LMTK2: variants seen among roughly 807,000 people sequenced by gnomAD.
The protein encoded by LMTK2 is lemur tail kinase 2, also known as serine/threonine-protein kinase LMTK2.
A neutral mutation model predicts 127.5 loss-of-function variants in LMTK2; 37 were observed. That is an observed-to-expected ratio of 0.29 (90% CI 0.22 to 0.38). The LOEUF is 0.38. Among genes scored for constraint, LMTK2 ranks in the 10% least tolerant of loss-of-function variants. The probability of loss-of-function intolerance (pLI) is 1.00; values close to 1 mark genes in which losing one functional copy is unlikely to be tolerated. For synonymous variants in LMTK2, 819 were observed against 810.1 expected (o/e 1.01, Z -0.19); for missense variants, 1,694 against 1,920.3 (o/e 0.88, Z 2.20).
At chr7:98,145,692 C>T (rs1448426480) in intron 3 of LMTK2, among the ~76,000 whole-genome samples, 1 of 152,106 alleles carries the variant, frequency 6.6e-6, no homozygotes, top group East Asian at 1.9e-4. Context: ...TTTCCCAATA[C>T]CATTCTCTTA....
At chr7:98,137,172 CT>C (rs1796607228) in intron 1 of LMTK2, 142 bp from the exon 2 acceptor site, 1 of 715,546 alleles carries the variant, frequency 1.4e-6, no homozygotes, top group Admixed American at 3.2e-5. Context: ...GCTTCTTATC[CT>C]GGATGGATCA....
chr7:98,192,241 C>A lies in LMTK2; in HGVS notation c.1776C>A (p.Leu592=). 1 of 1,524,746 alleles carries A rather than the reference C, an allele frequency of 6.6e-7. No individual in the cohort carries two copies. The highest frequency in any genetic ancestry group is 8.8e-7 in the Non-Finnish European group (1 of 1,140,280). 94.5% of individuals were successfully genotyped at this position (1,524,746 alleles called of 1,614,324 possible). The stretch of plus-strand genomic sequence containing the variant: ...CTGAACTGTCCCAGCTCACGGCGCT[C>A]AGGAGCGTTGAACTTGAGGAGTCCA... ...TGPELSQLTA[L]RSVELEESST... The change falls in exon 11 of 14, where the codon CTC becomes CTA. Residue 592 remains leucine, a synonymous_variant. Transcript: ENST00000297293.
chr7:98,182,787 A>T (rs1479779731), intron 7 of LMTK2, among the ~76,000 whole-genome samples: 1 of 152,276 alleles, frequency 6.6e-6, no homozygotes, highest in East Asian at 1.9e-4. Flanking sequence ...TTGTACACCC[A>T]TGTTCATACC....
chr7:98,205,371 TC>T, intron 13 of LMTK2, 92 bp from the exon 14 acceptor site: 1 of 1,480,638 alleles, frequency 6.8e-7, no homozygotes, highest in Admixed American at 1.7e-5. Context: ...CCGCTTCCGT[TC>T]CTGTGGTGCA....
intron 13 of LMTK2, 40 bp downstream of exon 13, chr7:98,204,226 C>A: frequency 1.3e-6 from 2 of 1,582,464 alleles, no homozygotes; most frequent in South Asian, 2.2e-5. Context: ...AGTGCAGGGT[C>A]GGGGGTGGGG....
chr7:98,121,526 G>A (rs528451658), intron 1 of LMTK2, among the ~76,000 whole-genome samples: 22 of 151,544 alleles, frequency 1.5e-4, no homozygotes, highest in Middle Eastern at 3.4e-3. Context: ...CCAGCAACTC[G>A]GGAGGCTGAG....
intron 1 of LMTK2, among the ~76,000 whole-genome samples, chr7:98,110,008 A>T (rs1348322693): frequency 6.6e-6 from 1 of 152,222 alleles, no homozygotes; most frequent in Non-Finnish European, 1.5e-5. Flanking sequence ...GCTTCTGGTA[A>T]TCTAGGAGCC....
intron 1 of LMTK2, among the ~76,000 whole-genome samples, chr7:98,110,094 G>C (rs549533387): frequency 6.6e-6 from 1 of 152,176 alleles, no homozygotes; most frequent in Admixed American, 6.5e-5. Context: ...TCGCCTCCTT[G>C]TTCTTCTTTC....
intron 3 of LMTK2, 57 bp from the exon 4 acceptor site, chr7:98,151,325 T>G: frequency 1.7e-6 from 2 of 1,158,346 alleles, no homozygotes; most frequent in Admixed American, 2.0e-5. Flanking sequence ...ACTTTATAGG[T>G]TATATATTTA....
At chr7:98,139,835 T>TA in intron 2 of LMTK2, among the ~76,000 whole-genome samples, 1 of 152,238 alleles carries the variant, frequency 6.6e-6, no homozygotes, top group Middle Eastern at 3.4e-3. Context: ...AAAATGAAAA[T>TA]AAAAGTTCAT....
chr7:98,124,952 C>T (rs116924121), intron 1 of LMTK2, among the ~76,000 whole-genome samples: 1,852 of 152,272 alleles, frequency 0.012, 17 homozygotes, highest in Admixed American at 0.02. Flanking sequence ...TCATTTCTTG[C>T]ATGATTTAGT....
At chr7:98,161,647 C>T (rs919393363) in intron 6 of LMTK2, among the ~76,000 whole-genome samples, 59 of 152,120 alleles carry the variant, frequency 3.9e-4, no homozygotes, top group African/African-American at 1.3e-3. Context: ...TCGATATGAT[C>T]AGAGTTATAA....
rs1002643500 is a variant in LMTK2, at chr7:98,205,773, G to T, written c.*281G>T. On this transcript the variant is annotated 3_prime_UTR_variant, in exon 14 of 14. Transcript: ENST00000297293. ...AGTGCTCATGCGCTGGCCGTCGGGGGAGGCAGGGGCACAGCCTCCATGTGC... is the reference window on the plus strand; with the variant it reads ...AGTGCTCATGCGCTGGCCGTCGGGGTAGGCAGGGGCACAGCCTCCATGTGC... 1 of 537,424 alleles carries T rather than the reference G, an allele frequency of 1.9e-6. No homozygotes were observed. Among genetic ancestry groups the T allele is most frequent in the Non-Finnish European group, 3.4e-6 (1 of 296,764 alleles). The allele number at this position is 537,424 out of a possible 1,614,324, so 33.3% of individuals were successfully genotyped here. A position where few individuals can be genotyped will look rare whatever the true frequency, so the allele number is the denominator to read the frequency against.
At chr7:98,124,812 T>C (rs1222758477) in intron 1 of LMTK2, among the ~76,000 whole-genome samples, 3 of 151,668 alleles carry the variant, frequency 2.0e-5, no homozygotes, top group East Asian at 3.9e-4. Flanking sequence ...TAACATAAAA[T>C]GGGGCTAATG....
Position 98,205,734 on chromosome 7 carries a change from G to A in LMTK2, c.*242G>A, listed in dbSNP as rs1797784001. 3 of 577,194 alleles carry A rather than the reference G, an allele frequency of 5.2e-6. No individual in the cohort carries two copies. The highest frequency in any genetic ancestry group is 3.0e-5 in the Admixed American group (1 of 33,054). The allele number at this position is 577,194 out of a possible 1,614,324, so 35.8% of individuals were successfully genotyped here. A position where few individuals can be genotyped will look rare whatever the true frequency, so the allele number is the denominator to read the frequency against. On this transcript the variant is annotated 3_prime_UTR_variant, in exon 14 of 14. Coordinates refer to ENST00000297293, the MANE Select transcript of LMTK2 (RefSeq NM_014916.4). ...CTCAGTGCCCCGTGCACCCGCGGCC[G>A]CGGCCTCCCAGGCAGTGCTCATGCG...
intron 2 of LMTK2, 90 bp downstream of exon 2, chr7:98,137,532 T>G: frequency 7.7e-7 from 1 of 1,304,224 alleles, no homozygotes. Context: ...GGGAACAGGA[T>G]CAGCAGATTT....
chr7:98,185,540 G>GT (rs554713951), intron 8 of LMTK2, among the ~76,000 whole-genome samples: 110 of 152,110 alleles, frequency 7.2e-4, no homozygotes, highest in Non-Finnish European at 1.1e-3. Flanking sequence ...GGGGATCTAG[G>GT]TTTTTTTAAC....
rs1797409529 is a variant in LMTK2 at position 98,184,867 on chromosome 7, T to TTG, written c.792-184_792-183insTG. Among the ~76,000 whole-genome samples, 4 of 152,338 alleles carry TTG rather than the reference T, an allele frequency of 2.6e-5. No homozygotes were observed. In the East Asian group the frequency reaches 7.7e-4, roughly 29 times the overall value. On this transcript the variant is annotated intron_variant, in intron 7 of 13. Coordinates refer to ENST00000297293, the MANE Select transcript of LMTK2 (RefSeq NM_014916.4). ...TAAAAGTGTGATCATCTTTATTATTTAAGTGATTGATGACATATGTAATAC... is the reference window on the plus strand; with the variant it reads ...TAAAAGTGTGATCATCTTTATTATTTTGAAGTGATTGATGACATATGTAATAC...
intron 1 of LMTK2, among the ~76,000 whole-genome samples, chr7:98,117,545 T>A (rs1796304053): frequency 6.6e-6 from 1 of 152,024 alleles, no homozygotes; most frequent in South Asian, 2.1e-4. Context: ...ATTTTTTTTT[T>A]AAGCATTTCC....
Sources: gnomAD v4.1 joint callset for allele counts (sites outside exome capture counted in the v4.1 genomes callset) on GRCh38, gnomAD v4.1.1 for gene constraint, MANE v1.5 for transcripts, NCBI Gene and HGNC (gene_info 2026-07-23, HGNC 2026-07-21) for gene names.